Variants in NSMAF observed in about 807,000 individuals in gnomAD.
NSMAF encodes the protein protein FAN.
Under a neutral mutation model 134.9 loss-of-function variants are expected in NSMAF, and 90 were observed. The observed-to-expected ratio is 0.67, with a 90% CI of 0.56 to 0.79. The LOEUF (loss-of-function observed/expected upper bound fraction) is 0.79, where lower values mean the gene tolerates loss of function less well. NSMAF is among the 30% of genes least tolerant of loss of function. NSMAF has a pLI of 0.00. For missense variants in NSMAF, 1,010 were observed against 1,119.0 expected, an observed-to-expected ratio of 0.90 and a Z score of 1.39; for synonymous variants, 358 against 389.6, an observed-to-expected ratio of 0.92 and a Z score of 0.96.
chr8:58,607,619 A>T (rs1806436559), intron 11 of NSMAF, 150 bp downstream of exon 11: 1 of 653,808 alleles, frequency 1.5e-6, no homozygotes, highest in African/African-American at 1.8e-5. Flanking sequence ...TACCTTCTCC[A>T]AAAGAAAGAA....
chr8:58,625,114 C>G (rs1006283087), intron 6 of NSMAF, among the ~76,000 whole-genome samples: 1 of 152,134 alleles, frequency 6.6e-6, no homozygotes, highest in Non-Finnish European at 1.5e-5. Context: ...TGGGCCTCAT[C>G]GGATCCATTG....
intron 12 of NSMAF, among the ~76,000 whole-genome samples, chr8:58,604,302 G>T (rs2129141571): frequency 6.6e-6 from 1 of 151,994 alleles, no homozygotes; most frequent in South Asian, 2.1e-4. Flanking sequence ...CTTAGAAAAT[G>T]GATATTTTAG....
At chr8:58,638,451 G>T (rs1275418145) in intron 2 of NSMAF, among the ~76,000 whole-genome samples, 1 of 150,266 alleles carries the variant, frequency 6.7e-6, no homozygotes, top group Non-Finnish European at 1.5e-5. Context: ...CAGCTGTACA[G>T]ACCAATGGAA....
intron 1 of NSMAF, among the ~76,000 whole-genome samples, chr8:58,654,437 C>T (rs1486057184): frequency 6.6e-6 from 1 of 152,140 alleles, no homozygotes; most frequent in African/African-American, 2.4e-5. Context: ...GTAATCTCAG[C>T]TACTTGGGAG....
At chr8:58,619,041 A>G (rs901244166) in intron 9 of NSMAF, among the ~76,000 whole-genome samples, 3 of 152,198 alleles carry the variant, frequency 2.0e-5, no homozygotes, top group Non-Finnish European at 2.9e-5. Context: ...GCTACTTGGA[A>G]AAATGACACA....
At chr8:58,637,145 T>C (rs1211699743) in intron 2 of NSMAF, 2 of 326,586 alleles carry the variant, frequency 6.1e-6, no homozygotes, top group Non-Finnish European at 1.2e-5. Context: ...GATGCTTACA[T>C]TGTCGCATTT....
chr8:58,641,508 T>C (rs925266191), intron 2 of NSMAF, among the ~76,000 whole-genome samples: 1 of 152,202 alleles, frequency 6.6e-6, no homozygotes. Context: ...AAAAGTAGCT[T>C]ATGACACACA....
chr8:58,605,342 T>C (rs1464864565), intron 12 of NSMAF, among the ~76,000 whole-genome samples: 2 of 152,212 alleles, frequency 1.3e-5, no homozygotes, highest in Non-Finnish European at 2.9e-5. Flanking sequence ...CACAAACATA[T>C]GAATAACTCA....
At chr8:58,643,498 T>C (rs1345974526) in intron 1 of NSMAF, among the ~76,000 whole-genome samples, 1 of 151,544 alleles carries the variant, frequency 6.6e-6, no homozygotes, top group Non-Finnish European at 1.5e-5. Flanking sequence ...GTTATCTGAG[T>C]TACTCCCACA....
intron 5 of NSMAF, 56 bp downstream of exon 5, chr8:58,635,133 G>C: frequency 7.9e-7 from 1 of 1,258,960 alleles, no homozygotes; most frequent in East Asian, 2.3e-5. Context: ...TTTCATTCAT[G>C]CACATATATA....
chr8:58,655,446 C>G (rs1807682971), intron 1 of NSMAF, among the ~76,000 whole-genome samples: 1 of 150,262 alleles, frequency 6.7e-6, no homozygotes, highest in Non-Finnish European at 1.5e-5. Flanking sequence ...GTCACCCAGG[C>G]TGGGGTGCAG....
intron 22 of NSMAF, chr8:58,594,499 C>A (rs1194256698): frequency 7.1e-6 from 4 of 566,926 alleles, no homozygotes; most frequent in Non-Finnish European, 1.3e-5. Context: ...TAGAAAACAT[C>A]CCCACTCTTT....
chr8:58,588,371 T>A, intron 26 of NSMAF: 2 of 943,066 alleles, frequency 2.1e-6, no homozygotes, highest in East Asian at 4.8e-5. Flanking sequence ...CCATTTAATT[T>A]TTCTCCAGAG....
chr8:58,616,462 A>G (rs1806655843), intron 9 of NSMAF, among the ~76,000 whole-genome samples: 1 of 152,166 alleles, frequency 6.6e-6, no homozygotes, highest in African/African-American at 2.4e-5. Context: ...GAAAAAAATC[A>G]ATCAATGTAA....
chr8:58,606,044 T>G lies in NSMAF; in HGVS notation c.760-9A>C, dbSNP rs1318627694. 1 of 1,568,728 alleles carries G rather than the reference T, an allele frequency of 6.4e-7. No individual in the cohort carries two copies. Among genetic ancestry groups the G allele is most frequent in the African/African-American group, 1.4e-5 (1 of 72,132 alleles). ...CAAAATACTTCCAAGCCCTATAAAT[T>G]CAAAAAGAAAATAATAAAATAAATA... On this transcript the variant is annotated splice_polypyrimidine_tract_variant and intron_variant, in intron 11 of 30. Transcript: ENST00000038176.
At chr8:58,641,429 G>A (rs192658440) in intron 2 of NSMAF, among the ~76,000 whole-genome samples, 52 of 152,224 alleles carry the variant, frequency 3.4e-4, no homozygotes, top group African/African-American at 1.3e-3. Context: ...GTAGATAACT[G>A]TCTCCACTAG....
rs1806324293 is a variant in NSMAF at position 58,603,196 on chromosome 8, C to T, written c.1045+14G>A. ...CCCACTCAACTTGGTCAGAATTCCA[C>T]GTGTGGCAGTTACCTAGTTCTGAGC... On this transcript the variant is annotated intron_variant, in intron 13 of 30. Transcript: ENST00000038176. 8.1e-6 allele frequency: 13 copies of T among 1,612,652 alleles called. No homozygotes were observed. Among genetic ancestry groups the T allele is most frequent in the Middle Eastern group, 1.6e-4 (1 of 6,078 alleles).
intron 9 of NSMAF, among the ~76,000 whole-genome samples, chr8:58,610,106 C>G (rs1806493943): frequency 6.6e-6 from 1 of 152,118 alleles, no homozygotes; most frequent in Non-Finnish European, 1.5e-5. Flanking sequence ...ACCATTTTGA[C>G]ACAAGTGGCA....
chr8:58,601,171 G>A, intron 16 of NSMAF, 114 bp downstream of exon 16: 2 of 874,606 alleles, frequency 2.3e-6, no homozygotes. Context: ...AGAACAATTA[G>A]TGATTTTTTA....
Sources: allele counts gnomAD v4.1 joint callset (sites outside exome capture counted in the v4.1 genomes callset), GRCh38; gene constraint gnomAD v4.1.1; transcripts MANE v1.5; gene names NCBI Gene and HGNC (gene_info 2026-07-23, HGNC 2026-07-21).